Variants in KSR1 observed in about 807,000 individuals in gnomAD.
KSR1 encodes kinase suppressor of ras 1.
A neutral mutation model predicts 92.9 loss-of-function variants in KSR1; 35 were observed. The observed-to-expected ratio is 0.38, with a 90% CI of 0.29 to 0.50. KSR1 has a LOEUF of 0.50. Ranked by LOEUF, KSR1 falls within the 20% of genes least tolerant of loss-of-function variation. The pLI, the probability that KSR1 is intolerant of heterozygous loss-of-function variation, is 0.94. For missense variants in KSR1, 972 were observed against 1,158.5 expected, an observed-to-expected ratio of 0.84 and a Z score of 2.34; for synonymous variants, 467 against 472.6, an observed-to-expected ratio of 0.99 and a Z score of 0.15.
Position 27,583,066 on chromosome 17 carries a change from C to A in KSR1, c.941C>A (p.Ser314Tyr). 6.3e-7 allele frequency: 1 copy of A among 1,596,640 alleles called. No individual in the cohort carries two copies. The highest frequency in any genetic ancestry group is 1.7e-5 in the Admixed American group (1 of 58,764). ...CTCACCCGGAGCAAGTCCCATGAGT[C>A]TCAGCTGGGGAACCGCATTGATGAC... ...PTLTRSKSHESQLGNRIDDVS... is the reference protein window; with the variant it reads ...PTLTRSKSHEYQLGNRIDDVS... The change falls in exon 4 of 21, where the codon TCT (serine) becomes TAT (tyrosine). Residue 314 changes from serine (S) to tyrosine (Y), a missense_variant. Ser to Tyr is a moderately radical substitution (Grantham distance 144). Coordinates refer to ENST00000644974, the MANE Select transcript of KSR1 (RefSeq NM_001394583.1).
At chr17:27,582,443 G>A (rs926671408) in intron 3 of KSR1, among the ~76,000 whole-genome samples, 3 of 152,136 alleles carry the variant, frequency 2.0e-5, no homozygotes, top group African/African-American at 4.8e-5. Flanking sequence ...TAGTATCTGC[G>A]CCGAGGGCCT....
intron 14 of KSR1, 50 bp from the exon 15 acceptor site, chr17:27,607,864 C>T: frequency 7.1e-7 from 1 of 1,399,372 alleles, no homozygotes; most frequent in Non-Finnish European, 9.9e-7. Context: ...GGGTTGGGGT[C>T]AGGCCGCACC....
chr17:27,515,197 T>C (rs1010480129), intron 1 of KSR1, among the ~76,000 whole-genome samples: 39 of 152,222 alleles, frequency 2.6e-4, no homozygotes, highest in Admixed American at 3.3e-4. Context: ...AGCACTAAAA[T>C]GTATTTTAAT....
chr17:27,473,903 T>TC (rs765682959), intron 1 of KSR1, among the ~76,000 whole-genome samples: 6 of 152,122 alleles, frequency 3.9e-5, no homozygotes, highest in South Asian at 4.1e-4. Flanking sequence ...AGGCCACTCT[T>TC]CCAGCTGCAT....
intron 1 of KSR1, among the ~76,000 whole-genome samples, chr17:27,513,772 A>T (rs1343525681): frequency 6.6e-6 from 1 of 152,316 alleles, no homozygotes; most frequent in Non-Finnish European, 1.5e-5. Context: ...AGAATACGGG[A>T]GTTGCATGTA....
chr17:27,619,243 TAGGA>T (rs766526151), intron 19 of KSR1, among the ~76,000 whole-genome samples: 2 of 152,098 alleles, frequency 1.3e-5, no homozygotes, highest in Non-Finnish European at 2.9e-5. Flanking sequence ...TTCCTTATCC[TAGGA>T]AGGGTCAGGT....
intron 10 of KSR1, among the ~76,000 whole-genome samples, chr17:27,600,452 T>C (rs2073516196): frequency 1.3e-5 from 2 of 151,992 alleles, no homozygotes; most frequent in Non-Finnish European, 2.9e-5. Flanking sequence ...AAAATAAATA[T>C]ATAAATAAAA....
chr17:27,457,505 C>T (rs996517149), intron 1 of KSR1, among the ~76,000 whole-genome samples: 4 of 152,330 alleles, frequency 2.6e-5, no homozygotes, highest in African/African-American at 7.2e-5. Flanking sequence ...CTGCTTCCCC[C>T]CAAAGATTGG....
At chr17:27,612,861 A>C (rs1790202295) in intron 18 of KSR1, 1 of 152,086 alleles carries the variant, frequency 6.6e-6, no homozygotes. Flanking sequence ...CTGTCTGCAG[A>C]CTCTGTCTGC....
chr17:27,604,664 C>A lies in KSR1; in HGVS notation c.1566-16C>A, dbSNP rs759881323. 2 of 1,613,858 alleles carry A rather than the reference C, an allele frequency of 1.2e-6. No homozygotes were observed. The highest frequency in any genetic ancestry group is 2.2e-5 in the South Asian group (2 of 91,086). On this transcript the variant is annotated splice_polypyrimidine_tract_variant and intron_variant, in intron 12 of 20. Transcript: ENST00000644974. ...TGTTCCTCAAGGTCTCCTTGACAAACCTTGTTTACTCTTAGGCTCGATGAC... is the reference window on the plus strand; with the variant it reads ...TGTTCCTCAAGGTCTCCTTGACAAAACTTGTTTACTCTTAGGCTCGATGAC...
At chr17:27,485,884 C>A (rs985978376) in intron 1 of KSR1, among the ~76,000 whole-genome samples, 2 of 152,112 alleles carry the variant, frequency 1.3e-5, no homozygotes, top group African/African-American at 4.8e-5. Context: ...AGGGCTGCTC[C>A]CCCGAGGATT....
intron 10 of KSR1, 52 bp downstream of exon 10, chr17:27,597,488 T>C (rs2073387975): frequency 7.9e-6 from 12 of 1,526,884 alleles, no homozygotes; most frequent in South Asian, 2.5e-5. Flanking sequence ...TCAGATCCCC[T>C]TCTCAGCAGA....
At chr17:27,536,650 G>C (rs1429559837) in intron 1 of KSR1, among the ~76,000 whole-genome samples, 1 of 152,176 alleles carries the variant, frequency 6.6e-6, no homozygotes, top group Admixed American at 6.5e-5. Flanking sequence ...AGGACCTTCT[G>C]GAACTTTGTA....
At chr17:27,547,450 C>T (rs751778325) in intron 1 of KSR1, among the ~76,000 whole-genome samples, 8 of 152,236 alleles carry the variant, frequency 5.3e-5, no homozygotes, top group Non-Finnish European at 4.4e-5. Flanking sequence ...GTTATCTTAA[C>T]AAACACCTGT....
rs534302177 is a variant in KSR1 at position 27,621,224 on chromosome 17, C to T, written c.2659C>T (p.Arg887Cys). Reference protein sequence around the residue: ...RWRSRYYGKGRYGHPDFKSSC... With the variant: ...RWRSRYYGKGCYGHPDFKSSC... ...GAGGAGCCGCTACTATGGAAAAGGA[C>T]GCTACGGCCACCCTGACTTTAAGAG... Residue 887 changes from arginine to cysteine, a missense_variant, in exon 20 of 21, where the codon CGC becomes TGC. Arg to Cys is a radical substitution (Grantham distance 180). Around this residue, in one of 5 missense-constraint regions of KSR1, gnomAD observed 46 missense variants for 39.0 expected, o/e 1.18. Coordinates refer to ENST00000644974, the MANE Select transcript of KSR1 (RefSeq NM_001394583.1). The T allele has an allele frequency of 9.5e-5, 38 of 398,672 alleles. 3 individuals are homozygous for T. In the South Asian group the frequency reaches 2.2e-3, roughly 23 times the overall value. 24.7% of individuals were successfully genotyped at this position (398,672 alleles called of 1,614,324 possible).
chr17:27,604,802 G>A, intron 13 of KSR1, 74 bp downstream of exon 13: 2 of 1,486,006 alleles, frequency 1.3e-6, no homozygotes, highest in South Asian at 1.1e-5. Flanking sequence ...ATGCGCAGGG[G>A]GCTTGAGGGT....
In KSR1 at chr17:27,466,448, C is replaced by CGCCT. The variant is rs372165079; in HGVS notation, c.231+9592_231+9595dup. On this transcript the variant is annotated intron_variant, in intron 1 of 20. Coordinates refer to ENST00000644974, the MANE Select transcript of KSR1 (RefSeq NM_001394583.1). ...GGAAACTTGCCGAGAGAGGTGTGCC[C>CGCCT]GCCTGCCTGCCTGCCTGCCTGGAGT... Among the ~76,000 whole-genome samples, 626 of 152,220 alleles carry CGCCT rather than the reference C, an allele frequency of 4.1e-3. 5 individuals carry two copies. Among genetic ancestry groups the CGCCT allele is most frequent in the African/African-American group, 0.014 (582 of 41,504 alleles).
intron 1 of KSR1, among the ~76,000 whole-genome samples, chr17:27,489,624 G>C (rs2068762877): frequency 6.6e-6 from 1 of 152,158 alleles, no homozygotes; most frequent in Non-Finnish European, 1.5e-5. Flanking sequence ...ATCTGAATGA[G>C]ATTTGGGGGC....
intron 1 of KSR1, among the ~76,000 whole-genome samples, chr17:27,489,488 T>C (rs4794918): frequency 0.89 from 135,875 of 152,192 alleles, 60,771 homozygotes; most frequent in East Asian, 1. Context: ...CTTTCCCTTT[T>C]CTCTTCTCTT....
Sources: gnomAD v4.1 joint callset for allele counts (sites outside exome capture counted in the v4.1 genomes callset) on GRCh38, gnomAD v4.1.1 for gene constraint, gnomAD v4.1.1 regional missense constraint, MANE v1.5 for transcripts, NCBI Gene and HGNC (gene_info 2026-07-23, HGNC 2026-07-21) for gene names.